The following CDK19 variants were observed in gnomAD, a reference collection of about 807,000 sequenced individuals.
CDK19 encodes the protein cyclin-dependent kinase 19.
A neutral mutation model predicts 68.3 loss-of-function variants in CDK19; 20 were observed. The observed-to-expected ratio is 0.29, with a 90% confidence interval of 0.21 to 0.43. CDK19 has a LOEUF of 0.43. CDK19 is among the 20% of genes least tolerant of loss of function. The probability of loss-of-function intolerance (pLI) is 1.00; values close to 1 mark genes in which losing one functional copy is unlikely to be tolerated. For synonymous variants in CDK19, 221 were observed against 222.8 expected, an observed-to-expected ratio of 0.99 and a Z score of 0.07; for missense variants, 339 against 623.5, an observed-to-expected ratio of 0.54 and a Z score of 4.86.
At chr6:110,646,438 C>T in intron 4 of CDK19, 1 of 1,500,992 alleles carries the variant, frequency 6.7e-7, no homozygotes. Context: ...GCCGCAGCTA[C>T]CCCATGCACC....
Position 110,667,450 on chromosome 6 carries a change from A to T in CDK19, c.440T>A (p.Val147Glu). The T allele has an allele frequency of 6.3e-7, 1 of 1,581,396 alleles. No homozygotes were observed. The highest frequency in any genetic ancestry group is 8.6e-7 in the Non-Finnish European group (1 of 1,164,986). The change falls in exon 4 of 13, where the codon GTG becomes GAG. Residue 147 changes from valine (V) to glutamate (E), a missense_variant. Val to Glu is a moderately radical substitution (Grantham distance 121). This residue lies in a region of CDK19 where 120 missense variants were observed against 224.0 expected (regional missense o/e 0.54). Transcript: ENST00000368911. The part of the protein sequence containing the change: ...DGIHYLHANW[V>E]LHRDLKPANI... ...AATACTTACCAAGTCTCTGTGAAGC[A>T]CCCAATTTGCATGGAGGTAATGGAT...
chr6:110,646,592 C>T (rs1203822208), intron 4 of CDK19: 2 of 535,490 alleles, frequency 3.7e-6, no homozygotes, highest in Non-Finnish European at 5.9e-6. Flanking sequence ...ACCGGGCCAA[C>T]GGCGGAGGGG....
chr6:110,813,917 T>C (rs1583163973), intron 1 of CDK19: 1 of 152,348 alleles, frequency 6.6e-6, no homozygotes, highest in African/African-American at 2.4e-5. Context: ...CTCTTTAAAG[T>C]CTATGCTGGA....
At chr6:110,623,012 C>A in intron 9 of CDK19, 100 bp from the exon 10 acceptor site, 2 of 826,286 alleles carry the variant, frequency 2.4e-6, no homozygotes, top group Non-Finnish European at 4.2e-6. Flanking sequence ...ATATAAAATA[C>A]ATTTGGTGTA....
chr6:110,698,634 T>C (rs1030736555), intron 2 of CDK19, among the ~76,000 whole-genome samples: 5 of 152,128 alleles, frequency 3.3e-5, no homozygotes, highest in Non-Finnish European at 7.4e-5. Context: ...CACCATTCAA[T>C]CCAGCAATCC....
intron 2 of CDK19, among the ~76,000 whole-genome samples, chr6:110,736,967 AATTTTTAT>A (rs1777294010): frequency 6.6e-6 from 1 of 152,230 alleles, no homozygotes; most frequent in South Asian, 2.1e-4. Context: ...TTAAATTGAT[AATTTTTAT>A]ATTTTTAGGA....
chr6:110,678,770 A>G (rs951085364), intron 2 of CDK19, among the ~76,000 whole-genome samples: 1 of 152,238 alleles, frequency 6.6e-6, no homozygotes, highest in African/African-American at 2.4e-5. Flanking sequence ...TTCTGATTCT[A>G]GAGAAGCTAT....
chr6:110,638,668 C>G lies in CDK19; in HGVS notation c.495G>C (p.Glu165Asp), dbSNP rs765317905. ...ANILVMGEGP[E>D]RGRVKIADMG... ...ACCTACCTATTTTGACTCTCCCCCT[C>G]TCAGGACCTTCTCCCATTACTAGGA... The change falls in exon 5 of 13, where the codon GAG becomes GAC. Residue 165 changes from glutamate to aspartate, a missense_variant. Glu to Asp is a conservative substitution (Grantham distance 45). Around this residue, in one of 4 missense-constraint regions of CDK19, gnomAD observed 120 missense variants for 224.0 expected, o/e 0.54. Transcript: ENST00000368911. 6.5e-7 allele frequency: 1 copy of G among 1,543,210 alleles called. No individual in the cohort carries two copies. Among genetic ancestry groups the G allele is most frequent in the Admixed American group, 1.7e-5 (1 of 59,290 alleles).
chr6:110,644,099 C>T (rs1271634601), intron 4 of CDK19, among the ~76,000 whole-genome samples: 1 of 151,994 alleles, frequency 6.6e-6, no homozygotes, highest in Non-Finnish European at 1.5e-5. Context: ...TGAGACCAGC[C>T]TGGCCAACAT....
At chr6:110,789,311 G>A (rs1448019356) in intron 1 of CDK19, among the ~76,000 whole-genome samples, 1 of 150,738 alleles carries the variant, frequency 6.6e-6, no homozygotes, top group Non-Finnish European at 1.5e-5. Flanking sequence ...GTGGAGTCTT[G>A]CCCTGTCACC....
intron 8 of CDK19, among the ~76,000 whole-genome samples, chr6:110,626,479 AG>A (rs1337110807): frequency 6.6e-6 from 1 of 152,234 alleles, no homozygotes; most frequent in African/African-American, 2.4e-5. Flanking sequence ...AAGGCCTTCC[AG>A]AATTGAGGGC....
intron 4 of CDK19, among the ~76,000 whole-genome samples, chr6:110,642,308 C>T (rs370019868): frequency 2.8e-4 from 27 of 96,294 alleles, no homozygotes; most frequent in East Asian, 5.7e-4. Context: ...GACTCTGTTT[C>T]AAAAAAAAAA....
intron 2 of CDK19, among the ~76,000 whole-genome samples, chr6:110,684,706 A>G (rs891568250): frequency 1.3e-5 from 2 of 152,098 alleles, no homozygotes; most frequent in Non-Finnish European, 2.9e-5. Context: ...GCATCATACA[A>G]TACAACCAAG....
chr6:110,786,942 C>T (rs939825046), intron 1 of CDK19, among the ~76,000 whole-genome samples: 11 of 152,112 alleles, frequency 7.2e-5, no homozygotes, highest in Non-Finnish European at 1.6e-4. Flanking sequence ...AATCATAAAC[C>T]CAAACTGCAT....
chr6:110,672,924 T>C (rs1205095740), intron 2 of CDK19, among the ~76,000 whole-genome samples: 2 of 152,148 alleles, frequency 1.3e-5, no homozygotes, highest in African/African-American at 4.8e-5. Flanking sequence ...ATATACATAA[T>C]GTAAAATTTA....
intron 1 of CDK19, among the ~76,000 whole-genome samples, chr6:110,799,853 T>A (rs1782227161): frequency 6.6e-6 from 1 of 152,178 alleles, no homozygotes; most frequent in South Asian, 2.1e-4. Context: ...TCCACCCGCC[T>A]AGACCTCCCA....
chr6:110,686,052 T>C (rs547513576), intron 2 of CDK19, among the ~76,000 whole-genome samples: 2 of 152,006 alleles, frequency 1.3e-5, no homozygotes, highest in Non-Finnish European at 2.9e-5. Flanking sequence ...AGAAGCATGA[T>C]GGAAAATACC....
chr6:110,623,714 T>G (rs1391118220), intron 8 of CDK19, among the ~76,000 whole-genome samples: 3 of 150,172 alleles, frequency 2.0e-5, no homozygotes, highest in Non-Finnish European at 4.4e-5. Context: ...AAAAATGTTC[T>G]TAGCAGCCTT....
chr6:110,812,047 A>G (rs1220853733), intron 1 of CDK19, among the ~76,000 whole-genome samples: 1 of 152,142 alleles, frequency 6.6e-6, no homozygotes, highest in Non-Finnish European at 1.5e-5. Flanking sequence ...AAAATATTCA[A>G]AAGTATAAAT....
Sources: gnomAD v4.1 joint callset for allele counts (sites outside exome capture counted in the v4.1 genomes callset) on GRCh38, gnomAD v4.1.1 for gene constraint, gnomAD v4.1.1 regional missense constraint, MANE v1.5 for transcripts, NCBI Gene and HGNC (gene_info 2026-07-23, HGNC 2026-07-21) for gene names.